Variants in MAP2K5 observed in about 807,000 individuals in gnomAD.
The protein encoded by MAP2K5 is mitogen-activated protein kinase kinase 5.
In MAP2K5, 49 loss-of-function variants were observed where a neutral mutation model predicts 83.1. The observed-to-expected ratio is 0.59, with a 90% CI of 0.47 to 0.75. The LOEUF is 0.75. MAP2K5 is among the 30% of genes least tolerant of loss of function. The pLI, the probability that MAP2K5 is intolerant of heterozygous loss-of-function variation, is 0.00. For synonymous variants in MAP2K5, 202 were observed against 191.8 expected, an observed-to-expected ratio of 1.05 and a Z score of -0.44; for missense variants, 457 against 557.5, an observed-to-expected ratio of 0.82 and a Z score of 1.82.
chr15:67,588,043 C>T (rs1408698827), intron 6 of MAP2K5: 2 of 973,650 alleles, frequency 2.1e-6, no homozygotes, highest in African/African-American at 3.5e-5. Flanking sequence ...GCCATCTTGC[C>T]AGTGTACAGT....
chr15:67,642,673 C>T (rs1190859100), intron 9 of MAP2K5, among the ~76,000 whole-genome samples: 1 of 152,136 alleles, frequency 6.6e-6, no homozygotes, highest in Non-Finnish European at 1.5e-5. Flanking sequence ...GAAATGTCAT[C>T]TGATTTCACA....
At chr15:67,703,257 C>T (rs934740247) in intron 15 of MAP2K5, 80 bp from the exon 16 acceptor site, 9 of 1,038,886 alleles carry the variant, frequency 8.7e-6, no homozygotes, top group Middle Eastern at 2.0e-4. Flanking sequence ...GGCTCCTCAC[C>T]TTAGCTGAGC....
chr15:67,662,727 T>C (rs535491015), intron 12 of MAP2K5, among the ~76,000 whole-genome samples: 4 of 152,264 alleles, frequency 2.6e-5, no homozygotes, highest in Admixed American at 2.6e-4. Flanking sequence ...TTTTTTTCAG[T>C]ATCTCATTCA....
chr15:67,799,863 C>T (rs189647468), intron 21 of MAP2K5, among the ~76,000 whole-genome samples: 3 of 152,022 alleles, frequency 2.0e-5, no homozygotes, highest in East Asian at 1.9e-4. Context: ...CTTTTATAGG[C>T]GAGGCCCTAG....
chr15:67,603,112 T>C (rs1025024230), intron 8 of MAP2K5, among the ~76,000 whole-genome samples: 3 of 152,244 alleles, frequency 2.0e-5, no homozygotes, highest in Non-Finnish European at 4.4e-5. Context: ...TTTAACCATA[T>C]TTAAGTGTAT....
At chr15:67,657,799 AT>A (rs1294320283) in intron 11 of MAP2K5, among the ~76,000 whole-genome samples, 26 of 152,084 alleles carry the variant, frequency 1.7e-4, no homozygotes, top group Non-Finnish European at 2.9e-5. Context: ...TGAATACACG[AT>A]TTTTTTACAG....
chr15:67,692,471 C>T lies in MAP2K5; in HGVS notation c.848-8C>T, dbSNP rs1432115491. 3 of 1,612,016 alleles carry T rather than the reference C, an allele frequency of 1.9e-6. No homozygotes were observed. Among genetic ancestry groups the T allele is most frequent in the Admixed American group, 1.7e-5 (1 of 59,920 alleles). On this transcript the variant is annotated splice_region_variant and splice_polypyrimidine_tract_variant and intron_variant, in intron 13 of 21. Transcript: ENST00000178640. ...TTAGTTACATGGCCTTTTCTGGTCC[C>T]TTTTTAGACGTGAAGCCCTCCAATA...
rs1265993556 is a variant in MAP2K5 at position 67,572,159 on chromosome 15, A to G, written c.253-8595A>G. Among the ~76,000 whole-genome samples, 2 of 152,158 alleles carry G rather than the reference A, an allele frequency of 1.3e-5. No individual in the cohort carries two copies. The highest frequency in any genetic ancestry group is 4.1e-4 in the South Asian group (2 of 4,824). ...AGTTAGGACAAGGGGACTAGGAAGG[A>G]TGTTTGGGGCAGAAAGAACAGTGTG... On this transcript the variant is annotated intron_variant, in intron 3 of 21. Coordinates refer to ENST00000178640, the MANE Select transcript of MAP2K5 (RefSeq NM_145160.3). The surrounding 1 kb of genome is among the most constrained non-coding windows in gnomAD (Gnocchi z 4.2).
rs745525225 is a variant in MAP2K5 at position 67,637,300 on chromosome 15, CCTGA to C, written c.585+6376_585+6379del. ...TATTAGTTCTGTCCCTCTAGAGAAC[CCTGA>C]CTAATACAGAGATGGTATTTAGTTA... On this transcript the variant is annotated intron_variant, in intron 9 of 21. Coordinates refer to ENST00000178640, the MANE Select transcript of MAP2K5 (RefSeq NM_145160.3). This position sits in a 1 kb window ranked among gnomAD's most constrained non-coding sequence, Gnocchi z 4.5. Among the ~76,000 whole-genome samples the C allele has an allele frequency of 1.4e-4, 22 of 152,180 alleles. No homozygotes were observed. Among genetic ancestry groups the C allele is most frequent in the African/African-American group, 4.8e-4 (20 of 41,514 alleles).
rs2084744710 is a variant in MAP2K5 at position 67,561,898 on chromosome 15, G to A, written c.185-1385G>A. Among the ~76,000 whole-genome samples, 1 of 152,166 alleles carries A rather than the reference G, an allele frequency of 6.6e-6. No homozygotes were observed. Among genetic ancestry groups the A allele is most frequent in the South Asian group, 2.1e-4 (1 of 4,826 alleles). On this transcript the variant is annotated intron_variant, in intron 2 of 21. Coordinates refer to ENST00000178640, the MANE Select transcript of MAP2K5 (RefSeq NM_145160.3). This position sits in a 1 kb window ranked among gnomAD's most constrained non-coding sequence, Gnocchi z 4.2. ...GGGAAGACCCACTGACTTGTGGTAG[G>A]GGAAGATCCCTGTGTTGAACTGAAC...
chr15:67,613,450 T>A (rs1240054475), intron 8 of MAP2K5, among the ~76,000 whole-genome samples: 1 of 152,186 alleles, frequency 6.6e-6, no homozygotes. Context: ...GACCAGCTGT[T>A]TGGGATATAT....
At position 67,748,525 on chromosome 15, in the gene MAP2K5, T is replaced by C; in HGVS notation, c.1102-44T>C. On this transcript the variant is annotated intron_variant, in intron 18 of 21. Transcript: ENST00000178640. The surrounding 1 kb of genome is among the most constrained non-coding windows in gnomAD (Gnocchi z 4.0). Reference sequence around the variant, plus strand: ...TCTTTCCACTCCACTGTAAAGATATTGCATAGAGGCTAATACTTTTTCCTC... The same window carrying C: ...TCTTTCCACTCCACTGTAAAGATATCGCATAGAGGCTAATACTTTTTCCTC... 2 of 1,577,388 alleles carry C rather than the reference T, an allele frequency of 1.3e-6. No homozygotes were observed. Among genetic ancestry groups the C allele is most frequent in the Middle Eastern group, 1.7e-4 (1 of 5,992 alleles).
intron 9 of MAP2K5, among the ~76,000 whole-genome samples, chr15:67,639,047 C>T (rs1223819919): frequency 6.6e-6 from 1 of 152,042 alleles, no homozygotes; most frequent in Non-Finnish European, 1.5e-5. Flanking sequence ...TAGGAAATAC[C>T]ATTCTGGACA....
intron 21 of MAP2K5, 48 bp downstream of exon 21, chr15:67,772,800 T>G (rs761173550): frequency 6.8e-7 from 1 of 1,465,098 alleles, no homozygotes; most frequent in Non-Finnish European, 9.4e-7. Context: ...TATATATTTA[T>G]GTTTAACATT....
chr15:67,558,875 T>C (rs2084680523), intron 2 of MAP2K5, among the ~76,000 whole-genome samples: 1 of 152,226 alleles, frequency 6.6e-6, no homozygotes. Flanking sequence ...TTTTTCTTTT[T>C]TCACTGTTAC....
intron 6 of MAP2K5, among the ~76,000 whole-genome samples, chr15:67,592,134 A>AAAAAAAAACAT (rs1364808254): frequency 6.6e-6 from 1 of 151,424 alleles, no homozygotes. Flanking sequence ...AAAAAAAAAA[A>AAAAAAAAACAT]AGGACTTTCA....
At chr15:67,711,675 A>G (rs2088695880) in intron 16 of MAP2K5, among the ~76,000 whole-genome samples, 1 of 5,372 alleles carries the variant, frequency 1.9e-4, no homozygotes, top group Non-Finnish European at 6.0e-4. Context: ...GTGCACGCAC[A>G]CACACACACA....
chr15:67,651,466 CTTA>C (rs1016302653), intron 11 of MAP2K5, among the ~76,000 whole-genome samples: 2 of 152,108 alleles, frequency 1.3e-5, no homozygotes, highest in African/African-American at 4.8e-5. Flanking sequence ...AACACTGGAT[CTTA>C]TTCTTTCTAT....
At chr15:67,752,247 A>G (rs890361066) in intron 19 of MAP2K5, among the ~76,000 whole-genome samples, 8 of 151,814 alleles carry the variant, frequency 5.3e-5, no homozygotes, top group African/African-American at 1.9e-4. Context: ...TTGTATTATT[A>G]GTAGAGACAG....
Sources: allele counts gnomAD v4.1 joint callset (sites outside exome capture counted in the v4.1 genomes callset), GRCh38; gene constraint gnomAD v4.1.1; non-coding constraint Gnocchi (gnomAD v3.1); transcripts MANE v1.5; gene names NCBI Gene and HGNC (gene_info 2026-07-23, HGNC 2026-07-21).